QTGAL: variants seen among roughly 807,000 people sequenced by gnomAD.
The protein encoded by QTGAL is BGnT-like protein 1.
the QTGAL span, among the ~76,000 whole-genome samples, chr17:82,992,922 A>G: frequency 0.012 from 1,848 of 152,270 alleles, 42 homozygotes; most frequent in African/African-American, 0.042. Flanking sequence ...TAATAAGATA[A>G]TATTTGTAAG....
the QTGAL span, among the ~76,000 whole-genome samples, chr17:83,050,013 T>G: frequency 6.6e-6 from 1 of 152,206 alleles, no homozygotes; most frequent in Non-Finnish European, 1.5e-5. Flanking sequence ...AAAACACAAT[T>G]TAGTCAAGTT....
the QTGAL span, chr17:82,942,512 G>A: frequency 6.2e-7 from 1 of 1,613,698 alleles, no homozygotes; most frequent in Non-Finnish European, 8.5e-7. Context: ...AGGATGTCTT[G>A]TTCCTGAGGG....
At chr17:83,032,763 C>A in the QTGAL span, among the ~76,000 whole-genome samples, 2 of 152,086 alleles carry the variant, frequency 1.3e-5, no homozygotes, top group Non-Finnish European at 2.9e-5. Context: ...GTGTTTTGGT[C>A]TAAGAAGAAA....
chr17:82,956,851 C>G, the QTGAL span: 4 of 1,460,468 alleles, frequency 2.7e-6, no homozygotes, highest in Non-Finnish European at 3.8e-6. The surrounding 1 kb of genome is among the most constrained non-coding windows in gnomAD (Gnocchi z 5.7). Flanking sequence ...ACGCAGCCAC[C>G]AAGTTGGCTC....
At chr17:82,958,605 G>C in the QTGAL span, among the ~76,000 whole-genome samples, 1 of 152,140 alleles carries the variant, frequency 6.6e-6, no homozygotes, top group East Asian at 1.9e-4. Flanking sequence ...GCAATGGGAT[G>C]GGGGGGATGG....
the QTGAL span, among the ~76,000 whole-genome samples, chr17:83,013,833 G>A: frequency 6.6e-6 from 1 of 152,198 alleles, no homozygotes; most frequent in Non-Finnish European, 1.5e-5. Context: ...GTGATTCAAA[G>A]TCTTCTAAAA....
chr17:83,035,056 A>G, the QTGAL span: 1 of 1,610,110 alleles, frequency 6.2e-7, no homozygotes, highest in East Asian at 2.2e-5. Context: ...AGCAAAGGTA[A>G]GACCCTGAGC....
the QTGAL span, chr17:82,942,495 C>T: frequency 6.2e-7 from 1 of 1,613,794 alleles, no homozygotes; most frequent in Non-Finnish European, 8.5e-7. Context: ...CTCACCCCTG[C>T]CTGGTGAGGA....
the QTGAL span, among the ~76,000 whole-genome samples, chr17:83,039,806 T>C: frequency 6.6e-6 from 1 of 152,190 alleles, no homozygotes; most frequent in East Asian, 1.9e-4. Flanking sequence ...ACTTTACTCC[T>C]GCGTCTTCTG....
chr17:83,032,633 T>C, the QTGAL span, among the ~76,000 whole-genome samples: 1 of 152,184 alleles, frequency 6.6e-6, no homozygotes, highest in East Asian at 1.9e-4. Context: ...CTGTCCTTGG[T>C]GGATGCTGTC....
chr17:83,046,450 T>C, the QTGAL span, among the ~76,000 whole-genome samples: 3 of 152,090 alleles, frequency 2.0e-5, no homozygotes, highest in African/African-American at 7.2e-5. Flanking sequence ...GGAAGATATA[T>C]AAATGGCCAA....
the QTGAL span, among the ~76,000 whole-genome samples, chr17:83,050,906 G>A: frequency 6.6e-6 from 1 of 152,052 alleles, no homozygotes; most frequent in South Asian, 2.1e-4. Flanking sequence ...ACGCAGAGCA[G>A]GTGTGTGAAG....
the QTGAL span, among the ~76,000 whole-genome samples, chr17:83,003,113 G>A: frequency 6.8e-5 from 1 of 14,704 alleles, no homozygotes; most frequent in Non-Finnish European, 1.4e-4. Flanking sequence ...CCGCCCTCCC[G>A]CCCTCCGCGT....
At chr17:82,958,927 GTGTGTGTGTGTATACTGTGTGGGGGTGTA>G in the QTGAL span, among the ~76,000 whole-genome samples, 3 of 14,258 alleles carry the variant, frequency 2.1e-4, no homozygotes, top group Admixed American at 9.3e-4. Flanking sequence ...GGTGTATGGT[GTGTGTGTGTGTATACTGTGTGGGGGTGTA>G]TGTGTGTGTG....
the QTGAL span, chr17:82,965,761 C>T: frequency 2.2e-5 from 35 of 1,602,494 alleles, no homozygotes; most frequent in East Asian, 2.5e-4. Context: ...AAGCAATTAA[C>T]GTTGACAGAG....
the QTGAL span, among the ~76,000 whole-genome samples, chr17:83,002,237 C>T: frequency 5.3e-5 from 8 of 152,178 alleles, no homozygotes; most frequent in South Asian, 1.2e-3. Flanking sequence ...CCTGCCCCCA[C>T]GGGGCAGCTC....
At chr17:83,047,129 C>T in the QTGAL span, among the ~76,000 whole-genome samples, 1 of 152,216 alleles carries the variant, frequency 6.6e-6, no homozygotes. Context: ...GTTCTGGAGC[C>T]TGGGAAATCC....
the QTGAL span, among the ~76,000 whole-genome samples, chr17:82,955,299 G>A: frequency 6.6e-5 from 10 of 152,120 alleles, no homozygotes; most frequent in Admixed American, 1.3e-4. Context: ...AAAAGTGGGC[G>A]AAGGACATGA....
the QTGAL span, among the ~76,000 whole-genome samples, chr17:82,990,792 G>A: frequency 1.3e-5 from 2 of 152,132 alleles, no homozygotes; most frequent in African/African-American, 2.4e-5. Flanking sequence ...TAGATTTCAC[G>A]TGAGGGTGGG....
Sources: gnomAD v4.1 joint callset for allele counts (sites outside exome capture counted in the v4.1 genomes callset) on GRCh38, gnomAD v4.1.1 for gene constraint, Gnocchi (gnomAD v3.1) non-coding constraint, MANE v1.5 for transcripts, NCBI Gene and HGNC (gene_info 2026-07-23, HGNC 2026-07-21) for gene names.